Variants in YEATS4 observed in about 807,000 individuals in gnomAD.
The protein encoded by YEATS4 is YEATS domain-containing protein 4.
YEATS4 carries 17 observed loss-of-function variants against 30.1 expected under a neutral mutation model. That is an observed-to-expected ratio of 0.56 (90% confidence interval 0.39 to 0.85). The LOEUF (loss-of-function observed/expected upper bound fraction) is 0.85. Ranked by LOEUF, YEATS4 falls within the 40% of genes least tolerant of loss-of-function variation. The probability of loss-of-function intolerance (pLI) is 0.00; values close to 1 mark genes in which losing one functional copy is unlikely to be tolerated. For synonymous variants in YEATS4, 85 were observed against 87.5 expected (o/e 0.97, Z 0.16); for missense variants, 142 against 268.3 (o/e 0.53, Z 3.29).
At position 69,359,934 on chromosome 12, in the gene YEATS4, C is replaced by T. The variant is rs753718546; in HGVS notation, c.-39C>T. The T allele has an allele frequency of 3.7e-6, 6 of 1,611,590 alleles. No individual in the cohort carries two copies. Among genetic ancestry groups the T allele is most frequent in the African/African-American group, 1.3e-5 (1 of 74,782 alleles). On this transcript the variant is annotated 5_prime_UTR_variant, in exon 1 of 7. Transcript: ENST00000247843. ...GAGCGGCGACCCCGCCAGCCCCGGT[C>T]TCTTTCCCTGGCGGCGGCGGCTTCT...
the YEATS4 span, among the ~76,000 whole-genome samples, chr12:69,427,062 AG>A: frequency 1.3e-5 from 2 of 152,190 alleles, no homozygotes; most frequent in African/African-American, 4.8e-5. Context: ...TAAAAGTTAC[AG>A]CAAATGCCCT....
the YEATS4 span, among the ~76,000 whole-genome samples, chr12:69,417,530 C>G: frequency 6.6e-6 from 1 of 152,012 alleles, no homozygotes; most frequent in Non-Finnish European, 1.5e-5. Flanking sequence ...AACGTATGAC[C>G]GATGCCTGAA....
intron 6 of YEATS4, among the ~76,000 whole-genome samples, chr12:69,387,424 A>G (rs315116): frequency 1 from 151,959 of 152,320 alleles, 75,799 homozygotes; most frequent in Middle Eastern, 1. Flanking sequence ...TATATATTCT[A>G]TAACAGTTCC....
the YEATS4 span, among the ~76,000 whole-genome samples, chr12:69,413,510 GC>G: frequency 4.6e-5 from 6 of 131,012 alleles, no homozygotes; most frequent in South Asian, 5.6e-4. Context: ...GGTCTTCAAC[GC>G]CCCCCCCATC....
the YEATS4 span, among the ~76,000 whole-genome samples, chr12:69,413,681 G>A: frequency 9.9e-5 from 15 of 151,936 alleles, no homozygotes; most frequent in South Asian, 8.3e-4. Context: ...GCGAAACCCC[G>A]TCTCTACTAA....
the YEATS4 span, among the ~76,000 whole-genome samples, chr12:69,414,963 T>C: frequency 2.2e-4 from 34 of 152,304 alleles, no homozygotes; most frequent in East Asian, 3.5e-3. Flanking sequence ...CATCAATGTA[T>C]TATAGAGACT....
intron 6 of YEATS4, among the ~76,000 whole-genome samples, chr12:69,376,739 A>G (rs183412778): frequency 4.1e-4 from 63 of 152,126 alleles, no homozygotes; most frequent in Non-Finnish European, 6.3e-4. Flanking sequence ...TGGAAGTATT[A>G]TTTTCTCAAT....
At chr12:69,393,477 AGAAAG>A (rs1404638203), downstream of YEATS4, among the ~76,000 whole-genome samples, 2 of 152,018 alleles carry the variant, frequency 1.3e-5, no homozygotes, top group African/African-American at 2.4e-5. Flanking sequence ...TTTTAAAAAA[AGAAAG>A]AAAATGAGAT....
chr12:69,398,961 T>C, the YEATS4 span, among the ~76,000 whole-genome samples: 1 of 152,024 alleles, frequency 6.6e-6, no homozygotes, highest in Non-Finnish European at 1.5e-5. Context: ...CCATCCTGGC[T>C]AACATGGTGA....
At chr12:69,389,884 A>G (rs1181967026) in intron 6 of YEATS4, among the ~76,000 whole-genome samples, 1 of 152,100 alleles carries the variant, frequency 6.6e-6, no homozygotes, top group Non-Finnish European at 1.5e-5. Context: ...TATGGAAAAA[A>G]GGACATTATG....
the YEATS4 span, among the ~76,000 whole-genome samples, chr12:69,420,456 TA>T: frequency 1.3e-5 from 2 of 151,982 alleles, no homozygotes; most frequent in African/African-American, 4.8e-5. Context: ...AGATATAATA[TA>T]TGTAAGGTGC....
chr12:69,370,057 T>A (rs1290385444), intron 4 of YEATS4, among the ~76,000 whole-genome samples: 1 of 152,210 alleles, frequency 6.6e-6, no homozygotes, highest in Non-Finnish European at 1.5e-5. Flanking sequence ...AGAAAATTAT[T>A]TGGGGTCTGG....
At chr12:69,367,416 G>T (rs962968957) in intron 4 of YEATS4, among the ~76,000 whole-genome samples, 1 of 151,940 alleles carries the variant, frequency 6.6e-6, no homozygotes, top group Non-Finnish European at 1.5e-5. Context: ...TGCCCAGGCT[G>T]GAGTACAGTG....
chr12:69,408,569 T>C, the YEATS4 span, among the ~76,000 whole-genome samples: 1 of 152,250 alleles, frequency 6.6e-6, no homozygotes, highest in Non-Finnish European at 1.5e-5. Flanking sequence ...CAGTTTGCCC[T>C]GGCACCAGCA....
intron 3 of YEATS4, 22 bp downstream of exon 3, chr12:69,365,721 C>G: frequency 1.2e-6 from 2 of 1,604,408 alleles, no homozygotes; most frequent in South Asian, 1.1e-5. Context: ...TCTTTTGATT[C>G]ACAATATCCA....
the YEATS4 span, among the ~76,000 whole-genome samples, chr12:69,424,157 G>C: frequency 6.6e-6 from 1 of 152,186 alleles, no homozygotes; most frequent in Non-Finnish European, 1.5e-5. Flanking sequence ...AAACTACTCT[G>C]AGATGGCCAG....
intron 2 of YEATS4, among the ~76,000 whole-genome samples, chr12:69,364,949 G>A (rs912639702): frequency 5.3e-5 from 8 of 152,048 alleles, no homozygotes; most frequent in African/African-American, 1.4e-4. Context: ...CTTTGAAATT[G>A]ACTATAGATT....
chr12:69,362,883 A>G lies in YEATS4; in HGVS notation c.147A>G (p.Val49=), dbSNP rs533046462. The change falls in exon 2 of 7, where the codon GTA becomes GTG. Residue 49 remains valine (V), a synonymous_variant. Transcript: ENST00000247843. ...ATGGGCACACTCATCAGTGGACAGTATATGTGAAACCATATAGAAATGAGG... is the reference window on the plus strand; with the variant it reads ...ATGGGCACACTCATCAGTGGACAGTGTATGTGAAACCATATAGAAATGAGG... ...EEDGHTHQWT[V]YVKPYRNEDM... is the part of the protein sequence containing the mutation. The G allele has an allele frequency of 6.4e-5, 102 of 1,599,236 alleles. No individual in the cohort carries two copies. Among genetic ancestry groups the G allele is most frequent in the Non-Finnish European group, 8.0e-5 (94 of 1,172,284 alleles).
At chr12:69,364,250 T>C (rs1177497354) in intron 2 of YEATS4, 1 of 430,914 alleles carries the variant, frequency 2.3e-6, no homozygotes. Flanking sequence ...CCCAGGAGTT[T>C]GAGACCAGAC....
Sources: allele counts gnomAD v4.1 joint callset (sites outside exome capture counted in the v4.1 genomes callset), GRCh38; gene constraint gnomAD v4.1.1; transcripts MANE v1.5; gene names NCBI Gene and HGNC (gene_info 2026-07-23, HGNC 2026-07-21).